Variants in CMIP observed in about 807,000 individuals in gnomAD.
CMIP encodes c-Maf inducing protein.
CMIP carries 13 observed loss-of-function variants against 97.3 expected under a neutral mutation model. That is an observed-to-expected ratio of 0.13 (90% confidence interval 0.09 to 0.21). The LOEUF is 0.21. Among genes scored for constraint, CMIP ranks in the 10% least tolerant of loss-of-function variants. CMIP has a pLI of 1.00. For missense variants in CMIP, 847 were observed against 1,024.9 expected, an observed-to-expected ratio of 0.83 and a Z score of 2.37; for synonymous variants, 538 against 436.3, an observed-to-expected ratio of 1.23 and a Z score of -2.91.
chr16:81,672,959 C>T (rs1269102687), intron 9 of CMIP, among the ~76,000 whole-genome samples: 1 of 152,178 alleles, frequency 6.6e-6, no homozygotes, highest in East Asian at 1.9e-4. Context: ...TCTCTTGGGG[C>T]TTCCATTCTA....
At chr16:81,570,866 G>A (rs890000184) in intron 1 of CMIP, among the ~76,000 whole-genome samples, 3 of 152,068 alleles carry the variant, frequency 2.0e-5, no homozygotes, top group Non-Finnish European at 4.4e-5. Context: ...TCCCAGGTGC[G>A]TGACTGGGAC....
chr16:81,519,035 G>A (rs56042952), intron 1 of CMIP: 35,332 of 152,174 alleles, frequency 0.23, 4,730 homozygotes, highest in Admixed American at 0.33. Context: ...GGGTTTCACC[G>A]TGTTGGCCAG....
chr16:81,498,974 T>C (rs1252454550), intron 1 of CMIP, among the ~76,000 whole-genome samples: 1 of 152,222 alleles, frequency 6.6e-6, no homozygotes, highest in Admixed American at 6.5e-5. Context: ...TACAAGCATC[T>C]GAGTGCTTTA....
chr16:81,632,833 C>T (rs1312487129), intron 3 of CMIP, among the ~76,000 whole-genome samples: 1 of 152,216 alleles, frequency 6.6e-6, no homozygotes. Context: ...CTCAACTCTA[C>T]ATAAGGGCCA....
rs757617882 is a variant in CMIP, at chr16:81,678,578, C to G, written c.1338C>G (p.Gly446=). ...GCAGCACCATGAGCATCGAGCTGGG[C>G]CCCCAGGCCGACCGCACGCTCGGCT... ...PACSTMSIEL[G]PQADRTLGCY... Residue 446 remains glycine (G), a synonymous_variant, in exon 10 of 21, where the codon GGC becomes GGG. Transcript: ENST00000537098. 6.2e-7 allele frequency: 1 copy of G among 1,604,626 alleles called. No homozygotes were observed. Among genetic ancestry groups the G allele is most frequent in the African/African-American group, 1.3e-5 (1 of 74,844 alleles).
intron 1 of CMIP, among the ~76,000 whole-genome samples, chr16:81,543,690 C>G (rs557363933): frequency 9.2e-5 from 14 of 152,330 alleles, no homozygotes; most frequent in Non-Finnish European, 1.3e-4. Flanking sequence ...TATCTTAGAA[C>G]AGTGCCTGGC....
chr16:81,603,170 C>T (rs879280473), intron 1 of CMIP, among the ~76,000 whole-genome samples: 6 of 152,208 alleles, frequency 3.9e-5, no homozygotes, highest in East Asian at 1.9e-4. Context: ...AGCTTCACCT[C>T]CCGGGTTCAC....
intron 10 of CMIP, among the ~76,000 whole-genome samples, chr16:81,684,562 G>C (rs1272829383): frequency 6.6e-6 from 1 of 152,242 alleles, no homozygotes; most frequent in Non-Finnish European, 1.5e-5. Flanking sequence ...CGTGAGGTGG[G>C]AGACCCGGGC....
chr16:81,477,912 C>T (rs545304811), intron 1 of CMIP, among the ~76,000 whole-genome samples: 83 of 152,344 alleles, frequency 5.4e-4, no homozygotes, highest in Non-Finnish European at 1.2e-3. Context: ...TGGAAAAGGA[C>T]TTCTGCCCTG....
At chr16:81,584,078 C>T (rs2091340914) in intron 1 of CMIP, among the ~76,000 whole-genome samples, 1 of 152,138 alleles carries the variant, frequency 6.6e-6, no homozygotes, top group Admixed American at 6.5e-5. Context: ...GATTCAAGGG[C>T]TGGGAGCGCC....
chr16:81,679,583 G>A (rs1904658169), intron 10 of CMIP, among the ~76,000 whole-genome samples: 2 of 151,968 alleles, frequency 1.3e-5, no homozygotes, highest in African/African-American at 2.4e-5. Context: ...CCGTGTGCCT[G>A]GGTGTCTATG....
At chr16:81,591,409 C>T (rs983703533) in intron 1 of CMIP, among the ~76,000 whole-genome samples, 1 of 152,198 alleles carries the variant, frequency 6.6e-6, no homozygotes, top group African/African-American at 2.4e-5. Flanking sequence ...GGGGTTGAGG[C>T]GTGTCCCGGG....
intron 1 of CMIP, among the ~76,000 whole-genome samples, chr16:81,605,662 C>T (rs2091731381): frequency 6.6e-6 from 1 of 152,218 alleles, no homozygotes; most frequent in African/African-American, 2.4e-5. Flanking sequence ...CACCTCTGAG[C>T]CTTTGCACTG....
chr16:81,683,735 ATG>A (rs1353032196), intron 10 of CMIP, among the ~76,000 whole-genome samples: 7 of 101,390 alleles, frequency 6.9e-5, no homozygotes, highest in African/African-American at 1.1e-4. Context: ...TCTTTCTTAT[ATG>A]TGTTTATTTT....
intron 1 of CMIP, among the ~76,000 whole-genome samples, chr16:81,483,205 G>A (rs1468121202): frequency 6.6e-6 from 1 of 152,218 alleles, no homozygotes; most frequent in African/African-American, 2.4e-5. Context: ...TGACACTTGA[G>A]CAGGTTTGGA....
At chr16:81,513,219 G>T (rs577793147) in intron 1 of CMIP, among the ~76,000 whole-genome samples, 3 of 152,194 alleles carry the variant, frequency 2.0e-5, no homozygotes. Flanking sequence ...TTCGTAGAGC[G>T]GGGCCTGCCT....
chr16:81,700,955 A>G (rs1907329674), intron 15 of CMIP, among the ~76,000 whole-genome samples: 1 of 152,118 alleles, frequency 6.6e-6, no homozygotes, highest in Non-Finnish European at 1.5e-5. Flanking sequence ...AGGCGCTGTG[A>G]GAAGCGTGGG....
intron 1 of CMIP, among the ~76,000 whole-genome samples, chr16:81,577,673 A>G (rs1175478176): frequency 1.3e-5 from 2 of 151,274 alleles, no homozygotes; most frequent in African/African-American, 2.4e-5. Context: ...CATCATCCCC[A>G]TTACCACTAC....
intron 1 of CMIP, among the ~76,000 whole-genome samples, chr16:81,472,127 G>A (rs369453157): frequency 1.3e-5 from 2 of 152,188 alleles, no homozygotes; most frequent in Non-Finnish European, 2.9e-5. Context: ...ATGTATGCAC[G>A]TGCACACAGG....
Sources: gnomAD v4.1 joint callset for allele counts (sites outside exome capture counted in the v4.1 genomes callset) on GRCh38, gnomAD v4.1.1 for gene constraint, MANE v1.5 for transcripts, NCBI Gene and HGNC (gene_info 2026-07-23, HGNC 2026-07-21) for gene names.